PCM1: variants seen among roughly 807,000 people sequenced by gnomAD.
PCM1 encodes pericentriolar material 1 protein.
PCM1 carries 157 observed loss-of-function variants against 241.9 expected under a neutral mutation model. That is an observed-to-expected ratio of 0.65 (90% CI 0.57 to 0.74). PCM1 has a LOEUF of 0.74. PCM1 is among the 30% of genes least tolerant of loss of function. PCM1 has a pLI of 0.00. For synonymous variants in PCM1, 1,085 were observed against 784.9 expected, an observed-to-expected ratio of 1.38 and a Z score of -6.39; for missense variants, 3,478 against 2,360.1, an observed-to-expected ratio of 1.47 and a Z score of -9.81.
chr8:17,964,432 T>C (rs759447031), intron 17 of PCM1, 136 bp from the exon 18 acceptor site: 7 of 626,590 alleles, frequency 1.1e-5, no homozygotes, highest in African/African-American at 1.8e-5. Flanking sequence ...ACCCGTAGCA[T>C]AGTTATTGTG....
chr8:18,022,700 T>G (rs905258907), intron 36 of PCM1, among the ~76,000 whole-genome samples: 1 of 152,198 alleles, frequency 6.6e-6, no homozygotes, highest in African/African-American at 2.4e-5. Context: ...GGTTCCAGTC[T>G]CCCTATATGC....
rs768731339 is a variant in PCM1, at chr8:17,957,277, G to A, written c.1660G>A (p.Ala554Thr). Residue 554 changes from alanine (A) to threonine (T), a missense_variant, in exon 12 of 39, where the codon GCT becomes ACT. Transcript: ENST00000325083. ...TCTTTCTTCTAGAAATCCACAAGTAGCTTCCACTTGGAATGAAGTAAATAG... is the reference window on the plus strand; with the variant it reads ...TCTTTCTTCTAGAAATCCACAAGTAACTTCCACTTGGAATGAAGTAAATAG... ...PVTNIRNPQVASTWNEVNSHS... is the reference protein window; with the variant it reads ...PVTNIRNPQVTSTWNEVNSHS... 1 of 1,588,352 alleles carries A rather than the reference G, an allele frequency of 6.3e-7. No individual in the cohort carries two copies. Among genetic ancestry groups the A allele is most frequent in the Non-Finnish European group, 8.6e-7 (1 of 1,166,134 alleles).
chr8:17,960,566 C>T, intron 15 of PCM1, 122 bp downstream of exon 15: 1 of 630,916 alleles, frequency 1.6e-6, no homozygotes, highest in Non-Finnish European at 2.5e-6. Context: ...ACTCTGTTGC[C>T]CAGGCTGAAG....
intron 27 of PCM1, among the ~76,000 whole-genome samples, 164 bp from the exon 28 acceptor site, chr8:17,991,378 A>G (rs970510617): frequency 6.6e-6 from 1 of 152,210 alleles, no homozygotes; most frequent in Non-Finnish European, 1.5e-5. Flanking sequence ...GGATTAAATA[A>G]GTGTGACAAT....
chr8:17,927,328 G>C (rs978345331), intron 2 of PCM1: 2 of 151,894 alleles, frequency 1.3e-5, no homozygotes, highest in South Asian at 2.1e-4. Flanking sequence ...GCGGAGTTTC[G>C]CCATGTTGAC....
chr8:17,924,712 G>A lies in PCM1; in HGVS notation c.-90-1G>A, dbSNP rs2056219409. ...TGATACATATTTTTAATCCTAATTA[G>A]GAAACAGCTTTGAAGTGTGGAGCGG... On this transcript the variant is annotated splice_acceptor_variant, in intron 1 of 38. Transcript: ENST00000325083. LOFTEE classifies it low-confidence loss of function (5UTR_SPLICE). The A allele has an allele frequency of 6.6e-6, 1 of 152,146 alleles. No homozygotes were observed. Among genetic ancestry groups the A allele is most frequent in the Non-Finnish European group, 1.5e-5 (1 of 68,028 alleles). 9.4% of individuals were successfully genotyped at this position (152,146 alleles called of 1,614,324 possible). A position where few individuals can be genotyped will look rare whatever the true frequency, so the allele number is the denominator to read the frequency against.
At chr8:17,993,397 T>A in intron 28 of PCM1, 86 bp from the exon 29 acceptor site, 2 of 888,426 alleles carry the variant, frequency 2.3e-6, no homozygotes, top group Non-Finnish European at 3.2e-6. Flanking sequence ...TCATCAAATT[T>A]AATATTTTTC....
At chr8:17,935,961 G>A (rs954723919) in intron 3 of PCM1, among the ~76,000 whole-genome samples, 1 of 152,110 alleles carries the variant, frequency 6.6e-6, no homozygotes, top group Admixed American at 6.5e-5. Flanking sequence ...CATGCAGCTG[G>A]GTTTTAGGAA....
At chr8:17,981,055 T>C (rs1295700352) in intron 24 of PCM1, among the ~76,000 whole-genome samples, 1 of 152,214 alleles carries the variant, frequency 6.6e-6, no homozygotes, top group Non-Finnish European at 1.5e-5. Context: ...TATGAAATCA[T>C]GTCATCTCCT....
intron 22 of PCM1, among the ~76,000 whole-genome samples, chr8:17,970,681 T>G (rs1005766750): frequency 2.0e-5 from 3 of 152,192 alleles, no homozygotes; most frequent in African/African-American, 7.2e-5. Flanking sequence ...CAGTAAACAT[T>G]TATTCAAAGC....
At chr8:17,978,154 G>A (rs763239981) in intron 23 of PCM1, among the ~76,000 whole-genome samples, 2 of 152,056 alleles carry the variant, frequency 1.3e-5, no homozygotes, top group African/African-American at 4.8e-5. Context: ...AAGAGGACAC[G>A]TGCTATTAAG....
chr8:17,940,186 C>A, intron 6 of PCM1: 1 of 1,185,798 alleles, frequency 8.4e-7, no homozygotes, highest in Non-Finnish European at 1.2e-6. Flanking sequence ...AATTAAAGTG[C>A]TGGAAATGAA....
rs761435234 is a variant in PCM1 at position 17,993,533 on chromosome 8, T to G, written c.4741T>G (p.Ser1581Ala). ...RSSQQPVSEVSTIPCPRIDTQ... is the reference protein window; with the variant it reads ...RSSQQPVSEVATIPCPRIDTQ... ...TTCACAACAACCTGTAAGTGAAGTTTCTACCATCCCATGTCCTAGAATTGA... is the reference window on the plus strand; with the variant it reads ...TTCACAACAACCTGTAAGTGAAGTTGCTACCATCCCATGTCCTAGAATTGA... Residue 1581 changes from serine (S) to alanine (A), a missense_variant, in exon 29 of 39, where the codon TCT becomes GCT. Physicochemically the swap from Ser to Ala is moderately conservative, Grantham distance 99. Transcript: ENST00000325083. The G allele has an allele frequency of 1.4e-5, 23 of 1,591,886 alleles. No homozygotes were observed. The highest frequency in any genetic ancestry group is 2.0e-5 in the Non-Finnish European group (23 of 1,168,630).
chr8:18,003,105 G>A (rs964917874), intron 29 of PCM1, among the ~76,000 whole-genome samples: 4 of 152,104 alleles, frequency 2.6e-5, no homozygotes, highest in East Asian at 1.9e-4. Context: ...GTGCTTGCAC[G>A]CCACCTTTAA....
At chr8:17,999,139 A>AC (rs2088191116) in intron 29 of PCM1, among the ~76,000 whole-genome samples, 1 of 151,782 alleles carries the variant, frequency 6.6e-6, no homozygotes, top group South Asian at 2.1e-4. Flanking sequence ...TTGGTGCTCT[A>AC]CCCCACTGTG....
chr8:17,957,164 G>T, intron 11 of PCM1, 100 bp from the exon 12 acceptor site: 2 of 880,056 alleles, frequency 2.3e-6, no homozygotes, highest in Non-Finnish European at 3.4e-6. Flanking sequence ...AGCCAACAAT[G>T]TGCTTGGTTT....
At chr8:17,964,430 C>G in intron 17 of PCM1, 138 bp from the exon 18 acceptor site, 1 of 614,846 alleles carries the variant, frequency 1.6e-6, no homozygotes, top group Non-Finnish European at 2.8e-6. Flanking sequence ...CCACCCGTAG[C>G]ATAGTTATTG....
intron 1 of PCM1, among the ~76,000 whole-genome samples, chr8:17,923,426 G>T (rs542898523): frequency 6.6e-6 from 1 of 152,316 alleles, no homozygotes; most frequent in East Asian, 1.9e-4. Flanking sequence ...GTTGGTGATT[G>T]CAGGACTCCC....
At position 17,986,101 on chromosome 8, in the gene PCM1, G is replaced by T; in HGVS notation, c.4410+14G>T. 2 of 1,524,552 alleles carry T rather than the reference G, an allele frequency of 1.3e-6. No individual in the cohort carries two copies. Among genetic ancestry groups the T allele is most frequent in the South Asian group, 2.7e-5 (2 of 74,392 alleles). 94.4% of individuals were successfully genotyped at this position (1,524,552 alleles called of 1,614,324 possible). ...ACTACTGATGATGTAAGCTGATAATGATTAGTGAATTGTAGATATAATTTT... is the reference window on the plus strand; with the variant it reads ...ACTACTGATGATGTAAGCTGATAATTATTAGTGAATTGTAGATATAATTTT... On this transcript the variant is annotated intron_variant, in intron 26 of 38. Coordinates refer to ENST00000325083, the MANE Select transcript of PCM1 (RefSeq NM_006197.4).
Sources: allele counts gnomAD v4.1 joint callset (sites outside exome capture counted in the v4.1 genomes callset), GRCh38; gene constraint gnomAD v4.1.1; transcripts MANE v1.5; gene names NCBI Gene and HGNC (gene_info 2026-07-23, HGNC 2026-07-21).